Variants in NQO2 observed in about 807,000 individuals in gnomAD.
NQO2 encodes N-ribosyldihydronicotinamide:quinone dehydrogenase 2.
Under a neutral mutation model 22.0 loss-of-function variants are expected in NQO2, and 18 were observed. The ratio of observed to expected loss-of-function variants is 0.82; its 90% confidence interval spans 0.56 to 1.21. The LOEUF (loss-of-function observed/expected upper bound fraction) is 1.21, where lower values mean the gene tolerates loss of function less well. Among genes scored for constraint, NQO2 ranks in the 50% most tolerant of loss-of-function variants. The probability of loss-of-function intolerance (pLI) is 0.00; values close to 1 mark genes in which losing one functional copy is unlikely to be tolerated. For missense variants in NQO2, 267 were observed against 286.9 expected (o/e 0.93, Z 0.50); for synonymous variants, 106 against 110.8 (o/e 0.96, Z 0.28).
chr6:3,004,236 G>A lies in NQO2; in HGVS notation c.-85-2232G>A, dbSNP rs529673677. ...GGAAATGTAGTGCTTACCTGTACAC[G>A]TGGATTCCTGGAATCAATTCAGGGT... On this transcript the variant is annotated intron_variant, in intron 1 of 6. Coordinates refer to ENST00000380455, the MANE Select transcript of NQO2 (RefSeq NM_000904.6). 1.9e-5 allele frequency: 13 copies of A among 683,138 alleles called. No homozygotes were observed. The East Asian group carries it at 8.0e-4, about 42-fold the overall frequency. The allele number at this position is 683,138 out of a possible 1,614,324, so 42.3% of individuals were successfully genotyped here.
intron 3 of NQO2, among the ~76,000 whole-genome samples, chr6:3,010,831 C>G (rs1053529285): frequency 6.6e-6 from 1 of 152,090 alleles, no homozygotes; most frequent in Non-Finnish European, 1.5e-5. Flanking sequence ...ACCATGCTAT[C>G]CCCTTTGGAA....
At chr6:3,005,597 T>A in intron 1 of NQO2, 1 of 969,900 alleles carries the variant, frequency 1.0e-6, no homozygotes. Context: ...TTTGCTTTGT[T>A]GTTGTTAAGT....
At position 3,019,600 on chromosome 6, in the gene NQO2, C is replaced by T; in HGVS notation, c.641C>T (p.Thr214Ile). 1 of 1,614,152 alleles carries T rather than the reference C, an allele frequency of 6.2e-7. No homozygotes were observed. The highest frequency in any genetic ancestry group is 8.5e-7 in the Non-Finnish European group (1 of 1,180,018). The change falls in exon 7 of 7, where the codon ACC (threonine) becomes ATC (isoleucine). Residue 214 changes from threonine to isoleucine, a missense_variant. Transcript: ENST00000380455. ...GCTGCGTGGTCCCAGAGGCTGCAGA[C>T]CATCTGGAAGGAAGAGCCCATCCCC... ...MVAAWSQRLQTIWKEEPIPCT... is the reference protein window; with the variant it reads ...MVAAWSQRLQIIWKEEPIPCT...
rs751626888 is a variant in NQO2 at position 3,012,946 on chromosome 6, CTTTTTTTTTTTTT to C, written c.303+287_303+299del. Reference sequence around the variant, plus strand: ...AACACTGTACGTAGATGTAACACTACTTTTTTTTTTTTTTTTTTTTTTTTTTTGAGACGGAGTC... The same window carrying C: ...AACACTGTACGTAGATGTAACACTACTTTTTTTTTTTTTTGAGACGGAGTC... On this transcript the variant is annotated intron_variant, in intron 4 of 6. Transcript: ENST00000380455. 4.4e-4 allele frequency among the ~76,000 whole-genome samples: 27 copies of C among 60,728 alleles called. 2 individuals are homozygous for C. The highest frequency in any genetic ancestry group is 1.4e-3 in the African/African-American group (19 of 13,540). 39.8% of individuals were successfully genotyped at this position (60,728 alleles called of 152,430 possible). A position where few individuals can be genotyped will look rare whatever the true frequency, so the allele number is the denominator to read the frequency against.
At position 3,010,139 on chromosome 6, in the gene NQO2, A is replaced by T; in HGVS notation, c.122A>T (p.Asp41Val). Residue 41 changes from aspartate to valine, a missense_variant, in exon 3 of 7, where the codon GAT (aspartate) becomes GTT (valine). Physicochemically the swap from Asp to Val is radical, Grantham distance 152. Transcript: ENST00000380455. ...SRQGCTVTVS[D>V]LYAMNLEPRA... Reference sequence around the variant, plus strand: ...CAGGGCTGCACCGTCACAGTGTCTGATTTGTATGCCATGAACCTTGAGCCG... The same window carrying T: ...CAGGGCTGCACCGTCACAGTGTCTGTTTTGTATGCCATGAACCTTGAGCCG... 6.2e-7 allele frequency: 1 copy of T among 1,614,004 alleles called. No individual in the cohort carries two copies. Among genetic ancestry groups the T allele is most frequent in the Non-Finnish European group, 8.5e-7 (1 of 1,179,964 alleles).
chr6:3,014,960 C>A, intron 4 of NQO2: 1 of 383,506 alleles, frequency 2.6e-6, no homozygotes, highest in Non-Finnish European at 3.6e-6. Flanking sequence ...GAGACATTGG[C>A]TTCCACCTTT....
intron 3 of NQO2, 131 bp downstream of exon 3, chr6:3,010,320 A>G (rs775079626): frequency 1.4e-6 from 1 of 707,018 alleles, no homozygotes; most frequent in Non-Finnish European, 2.3e-6. Context: ...ACAAATAGAT[A>G]GCACTGGGAT....
At chr6:3,012,957 T>TTTTTTTTTTTTC (rs1757194101) in intron 4 of NQO2, among the ~76,000 whole-genome samples, 1 of 97,098 alleles carries the variant, frequency 1.0e-5, no homozygotes, top group Admixed American at 1.0e-4. Flanking sequence ...TTTTTTTTTT[T>TTTTTTTTTTTTC]TTTTTTTTTT....
rs931625036 is a variant in NQO2, at chr6:3,009,864, A to T, written c.8-161A>T. ...CCTGGGTGACAGAGTGAGACTGTCT[A>T]AAAAGAAGAGAGAGAAAGAGACAGA... On this transcript the variant is annotated intron_variant, in intron 2 of 6. Transcript: ENST00000380455. 4.4e-5 allele frequency: 41 copies of T among 927,758 alleles called. No homozygotes were observed. The East Asian group carries it at 8.2e-4, about 19-fold the overall frequency. 57.5% of individuals were successfully genotyped at this position (927,758 alleles called of 1,614,324 possible).
At chr6:3,011,193 TGTG>T (rs1384818824) in intron 3 of NQO2, among the ~76,000 whole-genome samples, 2 of 152,172 alleles carry the variant, frequency 1.3e-5, no homozygotes, top group Non-Finnish European at 2.9e-5. Flanking sequence ...TTTAAGGAAA[TGTG>T]GTAATCCTCA....
At chr6:3,005,906 A>AT in intron 1 of NQO2, 1 of 718,304 alleles carries the variant, frequency 1.4e-6, no homozygotes, top group Non-Finnish European at 1.7e-6. Context: ...TGGAAATTGC[A>AT]CCAAGTCTGT....
At chr6:3,015,452 C>T (rs116542827) in intron 4 of NQO2, 78 bp from the exon 5 acceptor site, 78 of 1,540,270 alleles carry the variant, frequency 5.1e-5, no homozygotes, top group Middle Eastern at 1.9e-4. Flanking sequence ...GGCTTCATTC[C>T]GAATCACCAG....
intron 1 of NQO2, chr6:3,003,833 C>T: frequency 1.2e-6 from 1 of 865,842 alleles, no homozygotes; most frequent in Non-Finnish European, 1.4e-6. Context: ...TTCAGACAGA[C>T]AGTGCATGGC....
intron 4 of NQO2, among the ~76,000 whole-genome samples, chr6:3,014,292 C>T (rs1281278567): frequency 6.6e-6 from 1 of 152,202 alleles, no homozygotes; most frequent in Non-Finnish European, 1.5e-5. Context: ...AGCTGCTAAT[C>T]TGACCAAAGT....
chr6:3,016,331 C>T lies in NQO2; in HGVS notation c.418-553C>T, dbSNP rs112488431. Among the ~76,000 whole-genome samples, 213 of 149,916 alleles carry T rather than the reference C, an allele frequency of 1.4e-3. 2 individuals carry two copies. The highest frequency in any genetic ancestry group is 4.8e-3 in the African/African-American group (196 of 40,556). On this transcript the variant is annotated intron_variant, in intron 5 of 6. Transcript: ENST00000380455. ...CTGTAGTCCCAGCTACTTGGGAGGC[C>T]GAGGCAGGAGACTGGTTTGAACCTG...
At chr6:3,004,496 G>C in intron 1 of NQO2, 1 of 985,842 alleles carries the variant, frequency 1.0e-6, no homozygotes, top group Non-Finnish European at 1.2e-6. Context: ...CATCCACAGG[G>C]CACCTGGCCT....
intron 4 of NQO2, among the ~76,000 whole-genome samples, chr6:3,013,457 C>T (rs1420863310): frequency 6.6e-6 from 1 of 152,142 alleles, no homozygotes; most frequent in African/African-American, 2.4e-5. Context: ...TCTGGGGCTG[C>T]TTGAGAACCA....
chr6:3,012,946 CTTTTT>C lies in NQO2; in HGVS notation c.303+295_303+299del, dbSNP rs751626888. On this transcript the variant is annotated intron_variant, in intron 4 of 6. Transcript: ENST00000380455. ...AACACTGTACGTAGATGTAACACTA[CTTTTT>C]TTTTTTTTTTTTTTTTTTTTTTGAG... 3.6e-3 allele frequency among the ~76,000 whole-genome samples: 219 copies of C among 60,686 alleles called. 1 individual carries two copies. The highest frequency in any genetic ancestry group is 0.026 in the Admixed American group (128 of 4,884). 39.8% of individuals were successfully genotyped at this position (60,686 alleles called of 152,430 possible).
rs28383604 is a variant in NQO2, at chr6:3,004,740, A to G, written c.-85-1728A>G. ...TAGGTTCACGTTGTCGTTTGGACAC[A>G]ACATGCGCGATGCGTGTCTTCACAC... is the stretch of plus-strand genomic sequence containing the variant. On this transcript the variant is annotated intron_variant, in intron 1 of 6. Transcript: ENST00000380455. 16 of 632,164 alleles carry G rather than the reference A, an allele frequency of 2.5e-5. No homozygotes were observed. The South Asian group carries it at 1.1e-3, about 44-fold the overall frequency. 39.2% of individuals were successfully genotyped at this position (632,164 alleles called of 1,614,324 possible). A position where few individuals can be genotyped will look rare whatever the true frequency, so the allele number is the denominator to read the frequency against.
Sources: gnomAD v4.1 joint callset for allele counts (sites outside exome capture counted in the v4.1 genomes callset) on GRCh38, gnomAD v4.1.1 for gene constraint, MANE v1.5 for transcripts, NCBI Gene and HGNC (gene_info 2026-07-23, HGNC 2026-07-21) for gene names.